Variants in AP3B1 observed in about 807,000 individuals in gnomAD.
The protein encoded by AP3B1 is AP-3 complex subunit beta-1.
A neutral mutation model predicts 132.5 loss-of-function variants in AP3B1; 61 were observed. The ratio of observed to expected loss-of-function variants is 0.46; its 90% confidence interval spans 0.37 to 0.57. The LOEUF (loss-of-function observed/expected upper bound fraction) is 0.57, where lower values mean the gene tolerates loss of function less well. Among genes scored for constraint, AP3B1 ranks in the 20% least tolerant of loss-of-function variants. The probability of loss-of-function intolerance (pLI) is 0.00; values close to 1 mark genes in which losing one functional copy is unlikely to be tolerated. For missense variants in AP3B1, 1,120 were observed against 1,289.4 expected (o/e 0.87, Z 2.01); for synonymous variants, 388 against 438.3 (o/e 0.89, Z 1.43).
intron 15 of AP3B1, among the ~76,000 whole-genome samples, chr5:78,131,598 G>A (rs753868002): frequency 3.3e-5 from 5 of 151,902 alleles, no homozygotes; most frequent in Non-Finnish European, 7.4e-5. Context: ...CATCAATTTA[G>A]ATACTACAAA....
In AP3B1 at chr5:78,091,268, T is replaced by C. The variant is rs184605630; in HGVS notation, c.2471-1769A>G. ...AACCTAATTAAGAAAAAGAGATACA[T>C]GTATTTGACAAAAAAAAAAAAAAAA... On this transcript the variant is annotated intron_variant, in intron 21 of 26. Coordinates refer to ENST00000255194, the MANE Select transcript of AP3B1 (RefSeq NM_003664.5). Among the ~76,000 whole-genome samples the C allele has an allele frequency of 2.3e-3, 313 of 136,540 alleles. 2 individuals carry two copies. Among genetic ancestry groups the C allele is most frequent in the African/African-American group, 7.4e-3 (271 of 36,678 alleles). 89.6% of individuals were successfully genotyped at this position (136,540 alleles called of 152,430 possible). A position where few individuals can be genotyped will look rare whatever the true frequency, so the allele number is the denominator to read the frequency against.
intron 20 of AP3B1, among the ~76,000 whole-genome samples, chr5:78,108,807 AT>A (rs1751452726): frequency 6.6e-6 from 1 of 152,100 alleles, no homozygotes; most frequent in Non-Finnish European, 1.5e-5. Context: ...ACACAACATG[AT>A]GTTCAACCAC....
intron 22 of AP3B1, among the ~76,000 whole-genome samples, chr5:78,048,838 C>T (rs1284541009): frequency 1.3e-5 from 2 of 152,140 alleles, no homozygotes; most frequent in East Asian, 3.8e-4. Context: ...CTATCTCCCC[C>T]ACTCTACTAC....
rs190954120 is a variant in AP3B1, at chr5:78,124,337, T to C, written c.1968+3693A>G. Among the ~76,000 whole-genome samples, 593 of 152,210 alleles carry C rather than the reference T, an allele frequency of 3.9e-3. 1 individual carries two copies. The highest frequency in any genetic ancestry group is 5.9e-3 in the Non-Finnish European group (403 of 68,012). ...ACATTGTGCACATGTACCCTAAAAG[T>C]ATAATAATAAAATAAAAATTAAACA... On this transcript the variant is annotated intron_variant, in intron 17 of 26. Coordinates refer to ENST00000255194, the MANE Select transcript of AP3B1 (RefSeq NM_003664.5).
Position 78,090,252 on chromosome 5 carries a change from T to C in AP3B1, c.2471-753A>G, listed in dbSNP as rs80062529. Among the ~76,000 whole-genome samples, 810 of 152,362 alleles carry C rather than the reference T, an allele frequency of 5.3e-3. 9 individuals carry two copies. Among genetic ancestry groups the C allele is most frequent in the African/African-American group, 0.019 (788 of 41,592 alleles). On this transcript the variant is annotated intron_variant, in intron 21 of 26. Coordinates refer to ENST00000255194, the MANE Select transcript of AP3B1 (RefSeq NM_003664.5). ...AAAGTGGACACTAGCCACATATGCC[T>C]AACATACTCTTGATATGTGGCTAGT... is the stretch of plus-strand genomic sequence containing the variant.
At chr5:78,239,900 C>A (rs955445208) in intron 3 of AP3B1, among the ~76,000 whole-genome samples, 1 of 151,610 alleles carries the variant, frequency 6.6e-6, no homozygotes, top group Non-Finnish European at 1.5e-5. Flanking sequence ...AAAATGTTTT[C>A]TTTTTCTCTG....
intron 11 of AP3B1, among the ~76,000 whole-genome samples, chr5:78,168,222 TTTTC>T (rs1743743047): frequency 7.0e-6 from 1 of 143,366 alleles, no homozygotes; most frequent in African/African-American, 2.7e-5. Flanking sequence ...CTTTTTTCTT[TTTTC>T]TTTTTTTTTT....
intron 22 of AP3B1, among the ~76,000 whole-genome samples, chr5:78,057,650 GCA>G (rs953224346): frequency 1.3e-5 from 2 of 151,300 alleles, no homozygotes; most frequent in African/African-American, 4.8e-5. Context: ...TGCCAATCTT[GCA>G]CACAGAACTC....
intron 21 of AP3B1, among the ~76,000 whole-genome samples, chr5:78,092,194 A>G (rs1384229987): frequency 6.6e-6 from 1 of 152,242 alleles, no homozygotes; most frequent in African/African-American, 2.4e-5. Flanking sequence ...AAAAAACTGA[A>G]TAAGAAACAG....
intron 14 of AP3B1, among the ~76,000 whole-genome samples, chr5:78,153,384 G>T (rs1753750838): frequency 6.6e-6 from 1 of 150,636 alleles, no homozygotes; most frequent in Admixed American, 6.6e-5. Flanking sequence ...CTCTTTTTTG[G>T]TTTCTACCAG....
intron 14 of AP3B1, among the ~76,000 whole-genome samples, chr5:78,142,917 G>C (rs925672021): frequency 8.5e-5 from 13 of 152,168 alleles, no homozygotes; most frequent in African/African-American, 2.9e-4. Context: ...AGGTTACACT[G>C]CATTAAGACC....
At chr5:78,214,109 T>C (rs929611895) in intron 7 of AP3B1, among the ~76,000 whole-genome samples, 6 of 152,156 alleles carry the variant, frequency 3.9e-5, no homozygotes, top group Admixed American at 3.9e-4. Flanking sequence ...TTTCGAATAA[T>C]TCCAAGGTTG....
chr5:78,236,198 T>C (rs1480010144), intron 3 of AP3B1, among the ~76,000 whole-genome samples: 2 of 152,218 alleles, frequency 1.3e-5, no homozygotes, highest in Non-Finnish European at 2.9e-5. Context: ...AAAGTTCTCC[T>C]ACTGATAACT....
rs548067390 is a variant in AP3B1, at chr5:78,048,779, CTATT to C, written c.2578-9509_2578-9506del. 6.7e-3 allele frequency among the ~76,000 whole-genome samples: 1,027 copies of C among 152,224 alleles called. 6 individuals carry two copies. The highest frequency in any genetic ancestry group is 0.012 in the Non-Finnish European group (801 of 68,014). On this transcript the variant is annotated intron_variant, in intron 22 of 26. Transcript: ENST00000255194. ...TTCTCTGAACTGTAGCTGTAATTTC[CTATT>C]TATTTATTTACTACTTAACCTAGTT...
intron 7 of AP3B1, among the ~76,000 whole-genome samples, chr5:78,193,949 A>C (rs188500501): frequency 0.014 from 2,129 of 151,198 alleles, 57 homozygotes; most frequent in African/African-American, 0.049. Flanking sequence ...TTGTATTTTT[A>C]GTAGAGACGG....
chr5:78,284,768 A>T (rs1749200451), intron 1 of AP3B1, among the ~76,000 whole-genome samples: 1 of 152,160 alleles, frequency 6.6e-6, no homozygotes, highest in African/African-American at 2.4e-5. Context: ...TAGAAGAAAA[A>T]GGGGATATCA....
chr5:78,025,425 G>C (rs779459240), intron 24 of AP3B1, among the ~76,000 whole-genome samples: 11 of 152,106 alleles, frequency 7.2e-5, no homozygotes, highest in Non-Finnish European at 1.0e-4. Context: ...CAACAAGCAA[G>C]GCGTTAGAGA....
intron 22 of AP3B1, among the ~76,000 whole-genome samples, chr5:78,056,977 G>T (rs530755439): frequency 6.6e-6 from 1 of 152,182 alleles, no homozygotes; most frequent in South Asian, 2.1e-4. Context: ...CTTTTAAAAA[G>T]GTCGGTGTCC....
In AP3B1 at chr5:78,089,449, T is replaced by G; in HGVS notation, c.2521A>C (p.Ser841Arg). 1.2e-6 allele frequency: 2 copies of G among 1,613,530 alleles called. No homozygotes were observed. Among genetic ancestry groups the G allele is most frequent in the African/African-American group, 1.3e-5 (1 of 75,026 alleles). Residue 841 changes from serine to arginine, a missense_variant, in exon 22 of 27, where the codon AGT becomes CGT. This residue lies in a region of AP3B1 where 906 missense variants were observed against 997.1 expected (regional missense o/e 0.91). Transcript: ENST00000255194. ...VALPTPALSPSLMADLEGLHL... is the reference protein window; with the variant it reads ...VALPTPALSPRLMADLEGLHL... ...AAACCTTCAAGATCAGCCATCAAAC[T>G]TGGAGAAAGAGCTGGTGTGGGAAGT...
Sources: allele counts gnomAD v4.1 joint callset (sites outside exome capture counted in the v4.1 genomes callset), GRCh38; gene constraint gnomAD v4.1.1; regional missense constraint gnomAD v4.1.1; transcripts MANE v1.5; gene names NCBI Gene and HGNC (gene_info 2026-07-23, HGNC 2026-07-21).